ARL15: variants seen among roughly 807,000 people sequenced by gnomAD.
ARL15 encodes ADP-ribosylation factor-like protein 15.
ARL15 carries 19 observed loss-of-function variants against 25.2 expected under a neutral mutation model. The observed-to-expected ratio is 0.75, with a 90% CI of 0.53 to 1.10. The LOEUF is 1.10. Among genes scored for constraint, ARL15 ranks in the 50% least tolerant of loss-of-function variants. ARL15 has a pLI of 0.00. For synonymous variants in ARL15, 94 were observed against 86.8 expected, an observed-to-expected ratio of 1.08 and a Z score of -0.46; for missense variants, 220 against 246.0, an observed-to-expected ratio of 0.89 and a Z score of 0.71.
chr5:54,255,846 AT>A (rs1189523665), intron 1 of ARL15, among the ~76,000 whole-genome samples: 1 of 152,210 alleles, frequency 6.6e-6, no homozygotes, highest in Admixed American at 6.5e-5. Context: ...CAAGATGGAA[AT>A]TTTAAAATTC....
intron 4 of ARL15, among the ~76,000 whole-genome samples, chr5:53,936,946 G>A (rs1277053014): frequency 6.6e-6 from 1 of 152,094 alleles, no homozygotes; most frequent in Non-Finnish European, 1.5e-5. Context: ...AACCAAATAA[G>A]GATAGAAACT....
At chr5:53,918,475 A>G (rs939649892) in intron 4 of ARL15, among the ~76,000 whole-genome samples, 3 of 152,162 alleles carry the variant, frequency 2.0e-5, no homozygotes, top group East Asian at 1.9e-4. Context: ...TACAGGTGTA[A>G]GTCACTGCTG....
chr5:54,199,331 A>G (rs564840460), intron 1 of ARL15, among the ~76,000 whole-genome samples: 2 of 152,008 alleles, frequency 1.3e-5, no homozygotes, highest in East Asian at 1.9e-4. Context: ...TCTGCACAGC[A>G]AAAGAAACTA....
At chr5:54,044,240 ATTTTTTT>A (rs1196537602) in intron 4 of ARL15, among the ~76,000 whole-genome samples, 1 of 128,742 alleles carries the variant, frequency 7.8e-6, no homozygotes, top group Non-Finnish European at 1.6e-5. Flanking sequence ...CCATTATTTA[ATTTTTTT>A]TTTTTTTTTT....
intron 4 of ARL15, among the ~76,000 whole-genome samples, chr5:53,952,047 C>T (rs995773043): frequency 6.6e-6 from 1 of 151,714 alleles, no homozygotes; most frequent in Admixed American, 6.6e-5. Flanking sequence ...GAGGGTGGAT[C>T]ATGAGGTCAG....
intron 4 of ARL15, among the ~76,000 whole-genome samples, chr5:54,029,322 ACCAC>A (rs1561194980): frequency 7.9e-4 from 94 of 118,282 alleles, no homozygotes; most frequent in African/African-American, 2.8e-3. Context: ...CACCACCACC[ACCAC>A]CACCACTACC....
chr5:54,126,267 C>A (rs1268555274), intron 3 of ARL15, among the ~76,000 whole-genome samples: 8 of 152,158 alleles, frequency 5.3e-5, no homozygotes, highest in Non-Finnish European at 1.2e-4. Context: ...ACTCTTACTT[C>A]TTCTATCATA....
Position 53,975,445 on chromosome 5 carries a change from T to C in ARL15, c.463-88732A>G, listed in dbSNP as rs566377221. Among the ~76,000 whole-genome samples, 59 of 152,336 alleles carry C rather than the reference T, an allele frequency of 3.9e-4. 1 individual carries two copies. The highest frequency in any genetic ancestry group is 1.3e-3 in the African/African-American group (56 of 41,576). On this transcript the variant is annotated intron_variant, in intron 4 of 4. Transcript: ENST00000504924. ...CTGTTACACTACTCCTCTAAGAAGT[T>C]CTCAAGGATCTTGGCCTTTACGGGC...
At chr5:54,200,946 A>T (rs1244557570) in intron 1 of ARL15, among the ~76,000 whole-genome samples, 1 of 151,956 alleles carries the variant, frequency 6.6e-6, no homozygotes, top group African/African-American at 2.4e-5. Context: ...AACTAATCGG[A>T]TTTACTTTCA....
intron 1 of ARL15, among the ~76,000 whole-genome samples, chr5:54,187,268 C>G (rs568183366): frequency 6.6e-6 from 1 of 152,194 alleles, no homozygotes; most frequent in African/African-American, 2.4e-5. Flanking sequence ...CTTGCTGGCT[C>G]TCATGCTGGG....
chr5:54,134,393 C>T (rs534921267), intron 3 of ARL15, among the ~76,000 whole-genome samples: 2 of 151,974 alleles, frequency 1.3e-5, no homozygotes, highest in Admixed American at 6.6e-5. Context: ...CCCCCAAATT[C>T]GTGGATTTGT....
intron 4 of ARL15, among the ~76,000 whole-genome samples, chr5:53,998,213 T>A (rs1748743141): frequency 6.6e-6 from 1 of 151,704 alleles, no homozygotes; most frequent in Non-Finnish European, 1.5e-5. Context: ...GAGCCCTATT[T>A]CTCTCGCTTT....
intron 3 of ARL15, among the ~76,000 whole-genome samples, chr5:54,150,987 G>A (rs942755495): frequency 1.3e-5 from 2 of 152,050 alleles, no homozygotes; most frequent in African/African-American, 4.8e-5. Flanking sequence ...GGTGTAGAGT[G>A]CACTGGTTAG....
At chr5:53,972,178 A>C (rs975965343) in intron 4 of ARL15, among the ~76,000 whole-genome samples, 15 of 151,800 alleles carry the variant, frequency 9.9e-5, no homozygotes, top group African/African-American at 3.6e-4. Flanking sequence ...GAAATTAAAC[A>C]AAAAAAACCC....
At chr5:54,155,592 C>T (rs1754203325) in intron 2 of ARL15, among the ~76,000 whole-genome samples, 1 of 151,854 alleles carries the variant, frequency 6.6e-6, no homozygotes, top group African/African-American at 2.4e-5. Context: ...GTATACAGTT[C>T]TATGATTAAC....
intron 4 of ARL15, among the ~76,000 whole-genome samples, chr5:54,010,068 A>T (rs916545493): frequency 6.6e-6 from 1 of 152,184 alleles, no homozygotes; most frequent in African/African-American, 2.4e-5. Flanking sequence ...ACTGTTTTGA[A>T]GCGATTTGCA....
chr5:53,904,737 C>CA (rs1745185642), intron 4 of ARL15, among the ~76,000 whole-genome samples: 4 of 106,406 alleles, frequency 3.8e-5, no homozygotes, highest in Admixed American at 1.1e-4. Context: ...ATTTTTAGTT[C>CA]CTTTTTTTTT....
intron 1 of ARL15, among the ~76,000 whole-genome samples, chr5:54,299,858 A>T (rs1237430236): frequency 1.3e-5 from 2 of 152,116 alleles, no homozygotes; most frequent in African/African-American, 4.8e-5. Context: ...AAGTGCTGGG[A>T]TTATAGGCGT....
chr5:53,889,228 A>G (rs115362176), intron 4 of ARL15, among the ~76,000 whole-genome samples: 1 of 152,184 alleles, frequency 6.6e-6, no homozygotes. Context: ...CCGGTAGCAT[A>G]TTTACAGCTA....
Sources: gnomAD v4.1 joint callset for allele counts (sites outside exome capture counted in the v4.1 genomes callset) on GRCh38, gnomAD v4.1.1 for gene constraint, MANE v1.5 for transcripts, NCBI Gene and HGNC (gene_info 2026-07-23, HGNC 2026-07-21) for gene names.